The following DNAJC3 variants were observed in gnomAD, a reference collection of about 807,000 sequenced individuals.
DNAJC3 encodes DnaJ heat shock protein family (Hsp40) member C3.
A neutral mutation model predicts 68.6 loss-of-function variants in DNAJC3; 38 were observed. The ratio of observed to expected loss-of-function variants is 0.55; its 90% CI spans 0.43 to 0.73. DNAJC3 has a LOEUF of 0.73. Ranked by LOEUF, DNAJC3 falls within the 30% of genes least tolerant of loss-of-function variation. The pLI is 0.00. For synonymous variants in DNAJC3, 203 were observed against 204.0 expected (o/e 1.00, Z 0.04); for missense variants, 526 against 591.9 (o/e 0.89, Z 1.16).
intron 2 of DNAJC3, among the ~76,000 whole-genome samples, chr13:95,719,666 A>T (rs575364987): frequency 6.6e-6 from 1 of 152,370 alleles, no homozygotes; most frequent in African/African-American, 2.4e-5. Flanking sequence ...TATATCTTAT[A>T]GTACAACAGA....
At chr13:95,692,048 AG>A (rs1456971607) in intron 1 of DNAJC3, among the ~76,000 whole-genome samples, 7 of 146,180 alleles carry the variant, frequency 4.8e-5, no homozygotes, top group Non-Finnish European at 1.0e-4. Context: ...GACCATGGAA[AG>A]AGAGGGAGAG....
chr13:95,685,276 G>T (rs1880042983), intron 1 of DNAJC3, among the ~76,000 whole-genome samples: 1 of 152,256 alleles, frequency 6.6e-6, no homozygotes, highest in South Asian at 2.1e-4. Context: ...AGTCAAAGGA[G>T]ATTATTTTGG....
chr13:95,791,126 C>T lies in DNAJC3; in HGVS notation c.*96C>T, dbSNP rs769084391. 57 of 1,419,900 alleles carry T rather than the reference C, an allele frequency of 4.0e-5. No individual in the cohort carries two copies. The highest frequency in any genetic ancestry group is 5.2e-5 in the Non-Finnish European group (54 of 1,033,880). 88.0% of individuals were successfully genotyped at this position (1,419,900 alleles called of 1,614,324 possible). ...AATGAAAAAAAATTTCAAATCTTTT[C>T]AGTTTGTCCATGACCAAAGAGTTGC... On this transcript the variant is annotated 3_prime_UTR_variant, in exon 12 of 12. Coordinates refer to ENST00000602402, the MANE Select transcript of DNAJC3 (RefSeq NM_006260.5).
At position 95,691,196 on chromosome 13, in the gene DNAJC3, AC is replaced by A. The variant is rs533780086; in HGVS notation, c.82+13866del. ...GGGCTGCTGGCCAGGCAGGCGGCTG[AC>A]CCCCCCACCTCCCTCCCGGACGAGG... On this transcript the variant is annotated intron_variant, in intron 1 of 11. Transcript: ENST00000602402. Among the ~76,000 whole-genome samples, 843 of 137,932 alleles carry A rather than the reference AC, an allele frequency of 6.1e-3. 10 individuals carry two copies. The highest frequency in any genetic ancestry group is 0.021 in the African/African-American group (771 of 36,038). The allele number at this position is 137,932 out of a possible 152,430, so 90.5% of individuals were successfully genotyped here.
At chr13:95,768,274 A>G (rs950846070) in intron 9 of DNAJC3, among the ~76,000 whole-genome samples, 1 of 152,206 alleles carries the variant, frequency 6.6e-6, no homozygotes, top group African/African-American at 2.4e-5. Context: ...TGGCTATTAA[A>G]TAAGATGATG....
chr13:95,694,126 A>G (rs1880362134), intron 1 of DNAJC3: 2 of 152,204 alleles, frequency 1.3e-5, no homozygotes, highest in Non-Finnish European at 2.9e-5. Flanking sequence ...CTAAAAAATT[A>G]TTCAACTTCC....
At chr13:95,764,681 T>TACAC (rs1246800612) in intron 9 of DNAJC3, among the ~76,000 whole-genome samples, 11 of 110,018 alleles carry the variant, frequency 1.0e-4, no homozygotes, top group African/African-American at 4.2e-4. Context: ...TATATATATA[T>TACAC]ATACACACAC....
chr13:95,783,384 A>G (rs1213482144), intron 9 of DNAJC3, among the ~76,000 whole-genome samples: 4 of 152,240 alleles, frequency 2.6e-5, no homozygotes, highest in African/African-American at 4.8e-5. Flanking sequence ...GAATGAAAAC[A>G]TGTTTTAAAT....
chr13:95,697,541 A>G (rs1383251492), intron 1 of DNAJC3, among the ~76,000 whole-genome samples: 3 of 152,184 alleles, frequency 2.0e-5, no homozygotes, highest in African/African-American at 4.8e-5. Flanking sequence ...AATTTCTAAT[A>G]TCTGGATGTC....
chr13:95,704,851 G>GTTTT lies in DNAJC3; in HGVS notation c.83-4361_83-4358dup, dbSNP rs1193979630. On this transcript the variant is annotated intron_variant, in intron 1 of 11. Coordinates refer to ENST00000602402, the MANE Select transcript of DNAJC3 (RefSeq NM_006260.5). ...AGAAAGGACTAATCTGTGTGTGTGT[G>GTTTT]TTTTTTTTTTTTTTTTTTGAGACAG... Among the ~76,000 whole-genome samples, 100 of 97,844 alleles carry GTTTT rather than the reference G, an allele frequency of 1.0e-3. 5 individuals carry two copies. The highest frequency in any genetic ancestry group is 1.3e-3 in the South Asian group (4 of 3,066). 64.2% of individuals were successfully genotyped at this position (97,844 alleles called of 152,430 possible). A position where few individuals can be genotyped will look rare whatever the true frequency, so the allele number is the denominator to read the frequency against.
chr13:95,734,521 T>A (rs1458239295), intron 4 of DNAJC3, among the ~76,000 whole-genome samples: 1 of 152,184 alleles, frequency 6.6e-6, no homozygotes, highest in Non-Finnish European at 1.5e-5. Context: ...ACTGTATCTA[T>A]TTTGGGTTAT....
chr13:95,785,452 C>CT (rs36052714), intron 9 of DNAJC3, among the ~76,000 whole-genome samples: 12,884 of 77,992 alleles, frequency 0.17, 1,573 homozygotes, highest in African/African-American at 0.27. Context: ...CCTTTTAAAC[C>CT]TTTTTTTTTT....
chr13:95,695,553 G>A (rs1049673604), intron 1 of DNAJC3: 1 of 152,184 alleles, frequency 6.6e-6, no homozygotes, highest in African/African-American at 2.4e-5. Context: ...CTGAATTTTA[G>A]TGGCGGACTT....
intron 2 of DNAJC3, among the ~76,000 whole-genome samples, chr13:95,716,713 C>T (rs886708239): frequency 6.6e-6 from 1 of 152,200 alleles, no homozygotes; most frequent in East Asian, 1.9e-4. Flanking sequence ...CTCCCCTCAG[C>T]ATCCACGTCG....
In DNAJC3 at chr13:95,750,927, G is replaced by C. The variant is rs137908802; in HGVS notation, c.394-6717G>C. Among the ~76,000 whole-genome samples, 14 of 152,218 alleles carry C rather than the reference G, an allele frequency of 9.2e-5. No individual in the cohort carries two copies. The East Asian group carries it at 2.7e-3, about 30-fold the overall frequency. On this transcript the variant is annotated intron_variant, in intron 4 of 11. Coordinates refer to ENST00000602402, the MANE Select transcript of DNAJC3 (RefSeq NM_006260.5). Reference sequence around the variant, plus strand: ...CATCTCTAGTGGGAAGTTATCTGTAGTAAGTATACAAAATAGACTTAAGAC... The same window carrying C: ...CATCTCTAGTGGGAAGTTATCTGTACTAAGTATACAAAATAGACTTAAGAC...
intron 3 of DNAJC3, among the ~76,000 whole-genome samples, chr13:95,723,578 T>C (rs1881414487): frequency 6.6e-6 from 1 of 152,148 alleles, no homozygotes; most frequent in African/African-American, 2.4e-5. Context: ...TGTTTTTTTT[T>C]CAGAAGTCTG....
At chr13:95,760,883 C>A in intron 7 of DNAJC3, 85 bp downstream of exon 7, 1 of 1,509,488 alleles carries the variant, frequency 6.6e-7, no homozygotes. Context: ...TGCTCTTTTA[C>A]TTCTCAGCCA....
chr13:95,731,936 C>T (rs1213818542), intron 4 of DNAJC3, among the ~76,000 whole-genome samples: 1 of 146,514 alleles, frequency 6.8e-6, no homozygotes, highest in African/African-American at 2.6e-5. Flanking sequence ...GACTGGGTCG[C>T]ACTTTGTTGC....
At chr13:95,746,849 T>C (rs762279324) in intron 4 of DNAJC3, among the ~76,000 whole-genome samples, 15 of 152,226 alleles carry the variant, frequency 9.9e-5, no homozygotes, top group Non-Finnish European at 1.8e-4. Context: ...TCATTCTTTA[T>C]TATGTACTGT....
Sources: gnomAD v4.1 joint callset for allele counts (sites outside exome capture counted in the v4.1 genomes callset) on GRCh38, gnomAD v4.1.1 for gene constraint, MANE v1.5 for transcripts, NCBI Gene and HGNC (gene_info 2026-07-23, HGNC 2026-07-21) for gene names.